CSMD1: variants seen among roughly 807,000 people sequenced by gnomAD.
CSMD1 encodes the protein CUB and sushi domain-containing protein 1.
Under a neutral mutation model 417.5 loss-of-function variants are expected in CSMD1, and 213 were observed. The ratio of observed to expected loss-of-function variants is 0.51; its 90% CI spans 0.46 to 0.57. CSMD1 has a LOEUF of 0.57. Ranked by LOEUF, CSMD1 falls within the 20% of genes least tolerant of loss-of-function variation. CSMD1 has a pLI of 0.00. For synonymous variants in CSMD1, 2,862 were observed against 1,736.8 expected, an observed-to-expected ratio of 1.65 and a Z score of -16.11; for missense variants, 6,923 against 4,529.7, an observed-to-expected ratio of 1.53 and a Z score of -15.17.
chr8:4,157,072 A>G (rs1036938544), intron 3 of CSMD1, among the ~76,000 whole-genome samples: 2 of 152,056 alleles, frequency 1.3e-5, no homozygotes, highest in Non-Finnish European at 2.9e-5. Context: ...ACAGGGATGG[A>G]CCCGCCATGG....
intron 59 of CSMD1, 28 bp from the exon 60 acceptor site, chr8:2,963,423 C>T (rs1440954178): frequency 6.2e-7 from 1 of 1,603,906 alleles, no homozygotes; most frequent in Non-Finnish European, 8.5e-7. Context: ...ACAAGATCAA[C>T]ATTCCGGAGC....
chr8:4,896,971 C>A (rs1186074872), intron 1 of CSMD1, among the ~76,000 whole-genome samples: 1 of 152,096 alleles, frequency 6.6e-6, no homozygotes. Flanking sequence ...ATTTACATTT[C>A]TTTCATTTTT....
intron 6 of CSMD1, among the ~76,000 whole-genome samples, chr8:3,747,930 A>G (rs1011998740): frequency 6.6e-6 from 1 of 152,124 alleles, no homozygotes; most frequent in African/African-American, 2.4e-5. Flanking sequence ...CAGCCCTAGA[A>G]AAAACCCTTG....
At chr8:3,605,321 T>G (rs1285512534) in intron 8 of CSMD1, among the ~76,000 whole-genome samples, 1 of 152,164 alleles carries the variant, frequency 6.6e-6, no homozygotes, top group Non-Finnish European at 1.5e-5. Context: ...GAACACCACA[T>G]TTACTCCCTG....
At chr8:4,845,822 C>A (rs1313703440) in intron 1 of CSMD1, among the ~76,000 whole-genome samples, 1 of 152,178 alleles carries the variant, frequency 6.6e-6, no homozygotes, top group South Asian at 2.1e-4. Context: ...ATATTCACAT[C>A]AGAAATTTAC....
intron 5 of CSMD1, among the ~76,000 whole-genome samples, chr8:3,904,092 T>A (rs1257609725): frequency 6.6e-6 from 1 of 152,168 alleles, no homozygotes; most frequent in African/African-American, 2.4e-5. Flanking sequence ...GATTGTACAT[T>A]ATTTTGTTTA....
chr8:3,270,886 G>A (rs1415552092), intron 26 of CSMD1, among the ~76,000 whole-genome samples: 1 of 150,646 alleles, frequency 6.6e-6, no homozygotes, highest in Non-Finnish European at 1.5e-5. Context: ...CAGAAGGTAA[G>A]CAGGAGCAAG....
intron 5 of CSMD1, among the ~76,000 whole-genome samples, chr8:3,870,819 G>C (rs921547418): frequency 5.9e-5 from 9 of 152,102 alleles, no homozygotes; most frequent in Non-Finnish European, 8.8e-5. Flanking sequence ...ATACACAGGA[G>C]AGAAAGAAGC....
At chr8:3,690,292 G>A (rs573961836) in intron 7 of CSMD1, among the ~76,000 whole-genome samples, 1 of 152,210 alleles carries the variant, frequency 6.6e-6, no homozygotes, top group Non-Finnish European at 1.5e-5. Context: ...AGCCCAGGAG[G>A]TGGCAGTGAC....
chr8:3,844,006 G>T (rs552973211), intron 5 of CSMD1, among the ~76,000 whole-genome samples: 1 of 152,240 alleles, frequency 6.6e-6, no homozygotes, highest in East Asian at 1.9e-4. Flanking sequence ...ATCCAGCACT[G>T]ATAATATGTA....
chr8:4,942,746 C>A (rs1470091434), intron 1 of CSMD1, among the ~76,000 whole-genome samples: 2 of 152,196 alleles, frequency 1.3e-5, no homozygotes, highest in African/African-American at 2.4e-5. Context: ...TTCATCAACA[C>A]AGACAGGGAG....
At chr8:3,960,397 T>C (rs951939129) in intron 5 of CSMD1, among the ~76,000 whole-genome samples, 18 of 152,164 alleles carry the variant, frequency 1.2e-4, no homozygotes, top group African/African-American at 3.9e-4. Context: ...ATGTCTTCTA[T>C]GCACCAGACA....
At position 4,537,728 on chromosome 8, in the gene CSMD1, C is replaced by G. The variant is rs1162344337; in HGVS notation, c.302+99614G>C. ...AAAAGCATGGCTTCCCCCAGCGAAG[C>G]CACGGGAATACGCAGTGGAAGACCT... On this transcript the variant is annotated intron_variant, in intron 2 of 69. Transcript: ENST00000635120. Among the ~76,000 whole-genome samples, 6 of 152,134 alleles carry G rather than the reference C, an allele frequency of 3.9e-5. No homozygotes were observed. The East Asian group carries it at 7.7e-4, about 20-fold the overall frequency.
In CSMD1 at chr8:4,819,386, G is replaced by T. The variant is rs1037420959; in HGVS notation, c.85+174946C>A. The stretch of plus-strand genomic sequence containing the variant: ...ACATGGAAATAGGCCTCTCAAATTT[G>T]TTTCATTTTATGTCATTCTGCAAGC... On this transcript the variant is annotated intron_variant, in intron 1 of 69. Transcript: ENST00000635120. Among the ~76,000 whole-genome samples the T allele has an allele frequency of 5.3e-5, 8 of 152,122 alleles. No homozygotes were observed. The East Asian group carries it at 1.5e-3, about 29-fold the overall frequency.
In CSMD1 at chr8:3,524,299, ACACT is replaced by A. The variant is rs200584418; in HGVS notation, c.1345-30577_1345-30574del. Among the ~76,000 whole-genome samples the A allele has an allele frequency of 3.6e-3, 548 of 151,606 alleles. 1 individual carries two copies. Among genetic ancestry groups the A allele is most frequent in the African/African-American group, 0.012 (481 of 41,298 alleles). The stretch of plus-strand genomic sequence containing the variant: ...CGCACATATACATGCACACACACGT[ACACT>A]CAGAGACATATGCACACATAAACAT... On this transcript the variant is annotated intron_variant, in intron 10 of 69. Transcript: ENST00000635120.
chr8:4,511,727 C>T (rs927210074), intron 2 of CSMD1, among the ~76,000 whole-genome samples: 5 of 152,084 alleles, frequency 3.3e-5, no homozygotes, highest in Admixed American at 6.5e-5. Context: ...GCTCAGTGTT[C>T]CCCAAGAGAA....
At chr8:4,093,788 C>T (rs547696089) in intron 3 of CSMD1, among the ~76,000 whole-genome samples, 2 of 152,100 alleles carry the variant, frequency 1.3e-5, no homozygotes, top group East Asian at 1.9e-4. Context: ...TGGTGAAATC[C>T]CATATCTACT....
intron 1 of CSMD1, among the ~76,000 whole-genome samples, chr8:4,857,115 C>A (rs1360916019): frequency 1.3e-5 from 2 of 151,060 alleles, no homozygotes; most frequent in African/African-American, 2.4e-5. Flanking sequence ...AAGAATCTCA[C>A]TCACAACCGC....
At chr8:4,303,092 G>C (rs13266205) in intron 3 of CSMD1, among the ~76,000 whole-genome samples, 112,060 of 151,876 alleles carry the variant, frequency 0.74, 41,532 homozygotes, top group East Asian at 0.85. Context: ...GACAATTTTT[G>C]AGTAATTTAA....
Sources: gnomAD v4.1 joint callset for allele counts (sites outside exome capture counted in the v4.1 genomes callset) on GRCh38, gnomAD v4.1.1 for gene constraint, MANE v1.5 for transcripts, NCBI Gene and HGNC (gene_info 2026-07-23, HGNC 2026-07-21) for gene names.